Variants in BDNF observed in about 807,000 individuals in gnomAD.
BDNF encodes brain derived neurotrophic factor.
A neutral mutation model predicts 19.5 loss-of-function variants in BDNF; 1 was observed. The observed-to-expected ratio is 0.05, with a 90% confidence interval of 0.02 to 0.24. The LOEUF (loss-of-function observed/expected upper bound fraction) is 0.24. BDNF is among the 10% of genes least tolerant of loss of function. BDNF has a pLI of 1.00. For missense variants in BDNF, 195 were observed against 317.6 expected, an observed-to-expected ratio of 0.61 and a Z score of 2.93; for synonymous variants, 100 against 121.6, an observed-to-expected ratio of 0.82 and a Z score of 1.17.
chr11:27,659,119 TG>T (rs955463032), intron 1 of BDNF: 1 of 1,005,392 alleles, frequency 9.9e-7, no homozygotes, highest in African/African-American at 1.7e-5. Flanking sequence ...AAACAGCAGT[TG>T]GGGAACTATA....
At chr11:27,695,369 T>C (rs1858861298) in intron 1 of BDNF, among the ~76,000 whole-genome samples, 2 of 152,212 alleles carry the variant, frequency 1.3e-5, no homozygotes, top group Non-Finnish European at 2.9e-5. Context: ...GTTCAGTGAT[T>C]TTTTATCATA....
upstream of BDNF, chr11:27,701,162 C>A: frequency 8.3e-7 from 1 of 1,211,196 alleles, no homozygotes. Flanking sequence ...TATTGATGAA[C>A]GCCCCCAGAT....
chr11:27,711,737 A>T (rs1297941952), intron 1 of BDNF, among the ~76,000 whole-genome samples: 1 of 152,252 alleles, frequency 6.6e-6, no homozygotes, highest in Non-Finnish European at 1.5e-5. Context: ...AGAGTTAAGT[A>T]ATATATGCCA....
In BDNF at chr11:27,656,863, A is replaced by G. The variant is rs1852619078; in HGVS notation, c.*958T>C. The G allele has an allele frequency of 2.0e-6, 2 of 985,172 alleles. No homozygotes were observed. Among genetic ancestry groups the G allele is most frequent in the Admixed American group, 6.2e-5 (1 of 16,252 alleles). The allele number at this position is 985,172 out of a possible 1,614,324, so 61.0% of individuals were successfully genotyped here. A position where few individuals can be genotyped will look rare whatever the true frequency, so the allele number is the denominator to read the frequency against. On this transcript the variant is annotated 3_prime_UTR_variant, in exon 2 of 2. Coordinates refer to ENST00000356660, the MANE Select transcript of BDNF (RefSeq NM_001709.5). The stretch of plus-strand genomic sequence containing the variant: ...TATACGAGTGTCATGATGTGACACA[A>G]TGTGTTCACTTGTTCACAGCAGTGG...
chr11:27,712,116 C>T (rs1171530945), intron 1 of BDNF, among the ~76,000 whole-genome samples: 1 of 152,152 alleles, frequency 6.6e-6, no homozygotes, highest in Non-Finnish European at 1.5e-5. Flanking sequence ...AGTTTTCTCC[C>T]AATGCTGATT....
chr11:27,700,570 C>A (rs1046932559), upstream of BDNF: 14 of 953,172 alleles, frequency 1.5e-5, 1 homozygote, highest in African/African-American at 1.9e-4. Flanking sequence ...CCCGCGCTAC[C>A]GATACCCGTT....
At chr11:27,668,575 G>A (rs531167306) in intron 1 of BDNF, among the ~76,000 whole-genome samples, 1 of 152,100 alleles carries the variant, frequency 6.6e-6, no homozygotes, top group African/African-American at 2.4e-5. Flanking sequence ...GTGATAAAGG[G>A]GATATCACCA....
rs1859741622 is a variant in BDNF, at chr11:27,700,191, C to T, written c.-49G>A. 3.0e-6 allele frequency: 3 copies of T among 985,716 alleles called. No individual in the cohort carries two copies. The highest frequency in any genetic ancestry group is 2.4e-6 in the Non-Finnish European group (2 of 830,182). The allele number at this position is 985,716 out of a possible 1,614,324, so 61.1% of individuals were successfully genotyped here. ...CGGGGTCCACACAAACCTCACGGGT[C>T]CCCGGCGGCGGAGTCACATCGTGGT... On this transcript the variant is annotated 5_prime_UTR_variant, in exon 1 of 2. Coordinates refer to ENST00000356660, the MANE Select transcript of BDNF (RefSeq NM_001709.5).
At chr11:27,659,438 T>C (rs1853043127) in intron 1 of BDNF, 1 of 1,000,242 alleles carries the variant, frequency 1.0e-6, no homozygotes, top group Non-Finnish European at 1.2e-6. Flanking sequence ...GAAAACAATG[T>C]GTCTGGTAAG....
chr11:27,669,184 A>G (rs1854897549), intron 1 of BDNF, among the ~76,000 whole-genome samples: 1 of 152,228 alleles, frequency 6.6e-6, no homozygotes, highest in African/African-American at 2.4e-5. Flanking sequence ...AGATGCAGAA[A>G]AGGCCTTTGA....
At chr11:27,682,091 T>C (rs1856898307) in intron 1 of BDNF, among the ~76,000 whole-genome samples, 1 of 152,102 alleles carries the variant, frequency 6.6e-6, no homozygotes, top group Admixed American at 6.6e-5. Flanking sequence ...AGGCTGCAAA[T>C]CCCTTCTAGC....
chr11:27,687,049 A>G (rs1857577298), intron 1 of BDNF, among the ~76,000 whole-genome samples: 1 of 152,178 alleles, frequency 6.6e-6, no homozygotes, highest in South Asian at 2.1e-4. Flanking sequence ...CACCAATGAA[A>G]TGTAGGTTTG....
rs1364601781 is a variant in BDNF at position 27,658,797 on chromosome 11, C to T, written c.-21-212G>A. 3.5e-6 allele frequency: 5 copies of T among 1,437,016 alleles called. No homozygotes were observed. The highest frequency in any genetic ancestry group is 4.6e-6 in the Non-Finnish European group (5 of 1,093,376). 89.0% of individuals were successfully genotyped at this position (1,437,016 alleles called of 1,614,324 possible). ...TATAAACCAGAGACATGCAGTGTTT[C>T]CCCCAAGATCTAGCATATAAACCTG... On this transcript the variant is annotated intron_variant, in intron 1 of 1. Transcript: ENST00000356660. This position sits in a 1 kb window ranked among gnomAD's most constrained non-coding sequence, Gnocchi z 5.7.
intron 1 of BDNF, among the ~76,000 whole-genome samples, chr11:27,714,131 C>T (rs1860433707): frequency 6.6e-6 from 1 of 152,188 alleles, no homozygotes; most frequent in Non-Finnish European, 1.5e-5. Flanking sequence ...TTTTGAACTA[C>T]TGCAGCAATC....
chr11:27,663,900 T>A (rs1853873543), intron 1 of BDNF, among the ~76,000 whole-genome samples: 1 of 152,186 alleles, frequency 6.6e-6, no homozygotes. Context: ...CTTGATTACT[T>A]AAATGGATGA....
intron 1 of BDNF, among the ~76,000 whole-genome samples, chr11:27,669,397 T>C (rs923381453): frequency 2.6e-5 from 4 of 152,196 alleles, no homozygotes; most frequent in Admixed American, 2.0e-4. Context: ...GTATTGGACG[T>C]TCTAGCCAGG....
rs879464938 is a variant in BDNF, at chr11:27,674,141, T to C, written c.-21-15556A>G. 3.1e-6 allele frequency: 5 copies of C among 1,611,560 alleles called. No individual in the cohort carries two copies. Among genetic ancestry groups the C allele is most frequent in the Non-Finnish European group, 4.2e-6 (5 of 1,178,962 alleles). On this transcript the variant is annotated intron_variant, in intron 1 of 1. Coordinates refer to ENST00000356660, the MANE Select transcript of BDNF (RefSeq NM_001709.5). The stretch of plus-strand genomic sequence containing the variant: ...ACACAGCACAGCCCTTCTTCTGGGA[T>C]GCACAGTCATGCCATACAGAAGCGT...
chr11:27,705,771 C>T (rs966815269), intron 1 of BDNF, among the ~76,000 whole-genome samples: 5 of 152,214 alleles, frequency 3.3e-5, no homozygotes, highest in Non-Finnish European at 1.5e-5. Flanking sequence ...AAACTCCTGA[C>T]TTTCTCAACT....
At chr11:27,692,467 A>G (rs1453170721) in intron 1 of BDNF, among the ~76,000 whole-genome samples, 2 of 152,050 alleles carry the variant, frequency 1.3e-5, no homozygotes, top group Non-Finnish European at 2.9e-5. Flanking sequence ...TCAGCCTCCC[A>G]AGTAGCTGGG....
Sources: gnomAD v4.1 joint callset for allele counts (sites outside exome capture counted in the v4.1 genomes callset) on GRCh38, gnomAD v4.1.1 for gene constraint, Gnocchi (gnomAD v3.1) non-coding constraint, MANE v1.5 for transcripts, NCBI Gene and HGNC (gene_info 2026-07-23, HGNC 2026-07-21) for gene names.